The following SPAG16 variants were observed in gnomAD, a reference collection of about 807,000 sequenced individuals.
The protein encoded by SPAG16 is sperm-associated antigen 16 protein.
In SPAG16, 86 loss-of-function variants were observed where a neutral mutation model predicts 80.4. The observed-to-expected ratio is 1.07, with a 90% CI of 0.90 to 1.28. The LOEUF is 1.28. Among genes scored for constraint, SPAG16 ranks in the 50% most tolerant of loss-of-function variants. The probability of loss-of-function intolerance (pLI) is 0.00; values close to 1 mark genes in which losing one functional copy is unlikely to be tolerated. For missense variants in SPAG16, 870 were observed against 765.3 expected (o/e 1.14, Z -1.61); for synonymous variants, 294 against 265.9 (o/e 1.11, Z -1.03).
intron 6 of SPAG16, among the ~76,000 whole-genome samples, chr2:213,347,831 A>G (rs988726906): frequency 1.3e-5 from 2 of 152,110 alleles, no homozygotes; most frequent in Non-Finnish European, 2.9e-5. Flanking sequence ...TGGAATAAGT[A>G]CGGTGTGGTG....
At chr2:213,923,009 G>C (rs529198517) in intron 11 of SPAG16, among the ~76,000 whole-genome samples, 3 of 152,312 alleles carry the variant, frequency 2.0e-5, no homozygotes, top group African/African-American at 7.2e-5. Context: ...TGGGTTGGAA[G>C]CTCTAGCAGG....
chr2:214,291,436 G>A (rs1693792555), intron 15 of SPAG16, among the ~76,000 whole-genome samples: 1 of 146,028 alleles, frequency 6.8e-6, no homozygotes, highest in African/African-American at 2.5e-5. Flanking sequence ...CTCCCAAGTA[G>A]CTGGGACTAC....
rs963647042 is a variant in SPAG16, at chr2:214,130,428, G to T, written c.1594-18712G>T. Among the ~76,000 whole-genome samples the T allele has an allele frequency of 2.0e-5, 3 of 152,156 alleles. No individual in the cohort carries two copies. In the South Asian group the frequency reaches 6.2e-4, roughly 32 times the overall value. ...CAGCCATGAAGACTTCATTTTGTCTGTTGGCCAGAGGCATGCTTTAACACT... is the reference window on the plus strand; with the variant it reads ...CAGCCATGAAGACTTCATTTTGTCTTTTGGCCAGAGGCATGCTTTAACACT... On this transcript the variant is annotated intron_variant, in intron 14 of 15. Coordinates refer to ENST00000331683, the MANE Select transcript of SPAG16 (RefSeq NM_024532.5).
intron 10 of SPAG16, among the ~76,000 whole-genome samples, chr2:213,556,128 C>A (rs1291534159): frequency 6.6e-6 from 1 of 151,364 alleles, no homozygotes; most frequent in East Asian, 1.9e-4. Flanking sequence ...TGGAGAAAAT[C>A]ACCAAATCAG....
rs1026715515 is a variant in SPAG16 at position 213,489,560 on chromosome 2, G to T, written c.943-403G>T. 3.3e-5 allele frequency among the ~76,000 whole-genome samples: 5 copies of T among 152,008 alleles called. No homozygotes were observed. The East Asian group carries it at 9.6e-4, about 29-fold the overall frequency. The stretch of plus-strand genomic sequence containing the variant: ...TTACCCAATGAAAGTGTTTTTAGTC[G>T]GCCATTTATAGGGGACAAAAGGGGC... On this transcript the variant is annotated intron_variant, in intron 9 of 15. Coordinates refer to ENST00000331683, the MANE Select transcript of SPAG16 (RefSeq NM_024532.5).
At chr2:214,211,888 G>T (rs2058303959) in intron 15 of SPAG16, among the ~76,000 whole-genome samples, 1 of 152,034 alleles carries the variant, frequency 6.6e-6, no homozygotes, top group Admixed American at 6.6e-5. Flanking sequence ...AGCAAGTCCT[G>T]CTGGTTTTCC....
Position 214,219,818 on chromosome 2 carries a change from T to C in SPAG16, c.1720+70552T>C, listed in dbSNP as rs535128294. Among the ~76,000 whole-genome samples the C allele has an allele frequency of 3.6e-3, 550 of 152,298 alleles. 4 individuals carry two copies. Among genetic ancestry groups the C allele is most frequent in the African/African-American group, 0.013 (526 of 41,592 alleles). On this transcript the variant is annotated intron_variant, in intron 15 of 15. Coordinates refer to ENST00000331683, the MANE Select transcript of SPAG16 (RefSeq NM_024532.5). ...TGAAATATATTATTGCATGTGGCAA[T>C]TCCCAGCTGTTTATTTCCATCTGAA... is the stretch of plus-strand genomic sequence containing the variant.
intron 10 of SPAG16, among the ~76,000 whole-genome samples, chr2:213,688,124 T>C (rs1286732148): frequency 6.6e-6 from 1 of 152,164 alleles, no homozygotes; most frequent in Non-Finnish European, 1.5e-5. Flanking sequence ...TTCCAGGCTA[T>C]AGGTGGTAAA....
chr2:213,745,887 C>T (rs1575016363), intron 10 of SPAG16, among the ~76,000 whole-genome samples: 1 of 152,280 alleles, frequency 6.6e-6, no homozygotes, highest in South Asian at 2.1e-4. Context: ...ACACTTTTAA[C>T]ACAGATTTTT....
At chr2:213,447,738 A>G (rs1484376678) in intron 9 of SPAG16, among the ~76,000 whole-genome samples, 2 of 152,240 alleles carry the variant, frequency 1.3e-5, no homozygotes, top group Admixed American at 1.3e-4. Flanking sequence ...AGTAGGAAAT[A>G]GCAAACTTTG....
intron 9 of SPAG16, among the ~76,000 whole-genome samples, chr2:213,437,112 C>T (rs570570167): frequency 3.9e-5 from 6 of 152,150 alleles, no homozygotes; most frequent in South Asian, 2.1e-4. Flanking sequence ...AGGGTTTCAC[C>T]GTGGTCTCGA....
At chr2:213,421,570 A>G (rs116557007) in intron 9 of SPAG16, among the ~76,000 whole-genome samples, 5,270 of 152,252 alleles carry the variant, frequency 0.035, 141 homozygotes, top group Non-Finnish European at 0.052. Context: ...CAGGCTCCCA[A>G]TTCCCAGTGG....
intron 10 of SPAG16, among the ~76,000 whole-genome samples, chr2:213,617,776 G>T (rs1277318892): frequency 6.6e-6 from 1 of 152,122 alleles, no homozygotes; most frequent in East Asian, 1.9e-4. Flanking sequence ...TCAGGCCACT[G>T]CACTCCAGGC....
At chr2:214,347,437 C>T (rs1461079382) in intron 15 of SPAG16, among the ~76,000 whole-genome samples, 3 of 151,806 alleles carry the variant, frequency 2.0e-5, no homozygotes, top group Non-Finnish European at 4.4e-5. Flanking sequence ...AATATAGCTG[C>T]AAGGCAAAGA....
chr2:213,950,702 CT>C (rs59353089), intron 12 of SPAG16, among the ~76,000 whole-genome samples: 32,851 of 99,038 alleles, frequency 0.33, 5,664 homozygotes, highest in African/African-American at 0.49. Context: ...TTTTTTCTTT[CT>C]TTTTTTTTTT....
chr2:214,160,909 G>T (rs886824070), intron 15 of SPAG16, among the ~76,000 whole-genome samples: 1 of 151,704 alleles, frequency 6.6e-6, no homozygotes, highest in Non-Finnish European at 1.5e-5. Context: ...TAAGCCCCTT[G>T]CTACCTAAAG....
At chr2:213,297,985 A>G (rs1455592104) in intron 3 of SPAG16, among the ~76,000 whole-genome samples, 1 of 152,142 alleles carries the variant, frequency 6.6e-6, no homozygotes, top group Non-Finnish European at 1.5e-5. Context: ...CCCCTTTACT[A>G]CAGAGAAATG....
intron 9 of SPAG16, among the ~76,000 whole-genome samples, chr2:213,455,151 C>G (rs2071924273): frequency 6.6e-6 from 1 of 152,038 alleles, no homozygotes; most frequent in Non-Finnish European, 1.5e-5. Flanking sequence ...TTTTCTTATC[C>G]CACTAACAAG....
Position 214,014,375 on chromosome 2 carries a change from C to T in SPAG16, c.1527+298C>T, listed in dbSNP as rs192768183. Among the ~76,000 whole-genome samples the T allele has an allele frequency of 5.3e-5, 8 of 152,308 alleles. No individual in the cohort carries two copies. The East Asian group carries it at 9.6e-4, about 18-fold the overall frequency. ...AAAAGGGAAATACACACTGTGCCCCCTCCTTAAGGATCTTTTAGCTAGGTA... is the reference window on the plus strand; with the variant it reads ...AAAAGGGAAATACACACTGTGCCCCTTCCTTAAGGATCTTTTAGCTAGGTA... On this transcript the variant is annotated intron_variant, in intron 13 of 15. Transcript: ENST00000331683.
Sources: gnomAD v4.1 joint callset for allele counts (sites outside exome capture counted in the v4.1 genomes callset) on GRCh38, gnomAD v4.1.1 for gene constraint, MANE v1.5 for transcripts, NCBI Gene and HGNC (gene_info 2026-07-23, HGNC 2026-07-21) for gene names.